The following ZEB1 variants were observed in gnomAD, a reference collection of about 807,000 sequenced individuals.
ZEB1 encodes the protein zinc finger E-box-binding homeobox 1.
In ZEB1, 21 loss-of-function variants were observed where a neutral mutation model predicts 84.9. The ratio of observed to expected loss-of-function variants is 0.25; its 90% CI spans 0.18 to 0.36. ZEB1 has a LOEUF of 0.36. Among genes scored for constraint, ZEB1 ranks in the 10% least tolerant of loss-of-function variants. ZEB1 has a pLI of 1.00. For missense variants in ZEB1, 1,104 were observed against 1,330.2 expected, an observed-to-expected ratio of 0.83 and a Z score of 2.65; for synonymous variants, 420 against 471.1, an observed-to-expected ratio of 0.89 and a Z score of 1.41.
intron 1 of ZEB1, among the ~76,000 whole-genome samples, chr10:31,449,842 G>C (rs1591408677): frequency 6.6e-6 from 1 of 152,144 alleles, no homozygotes; most frequent in African/African-American, 2.4e-5. Flanking sequence ...GAATATATGT[G>C]CAGTATTACC....
intron 1 of ZEB1, among the ~76,000 whole-genome samples, chr10:31,406,173 A>G (rs527481896): frequency 6.5e-4 from 99 of 152,214 alleles, no homozygotes; most frequent in Admixed American, 2.5e-3. Flanking sequence ...GTGTCTTTAT[A>G]AGTAGAATGA....
Position 31,520,073 on chromosome 10 carries a change from A to C in ZEB1, c.794-53A>C. On this transcript the variant is annotated intron_variant, in intron 6 of 8. Transcript: ENST00000424869. The surrounding 1 kb of genome is among the most constrained non-coding windows in gnomAD (Gnocchi z 5.1). ...TGTTTTAGGGAAATGAGGATACATA[A>C]AAATTTATATGTAATAATTCAGTGA... The C allele has an allele frequency of 1.3e-6, 2 of 1,588,392 alleles. No homozygotes were observed. Among genetic ancestry groups the C allele is most frequent in the Non-Finnish European group, 1.7e-6 (2 of 1,168,892 alleles).
chr10:31,512,100 A>G (rs1188375342), intron 5 of ZEB1, among the ~76,000 whole-genome samples: 1 of 152,138 alleles, frequency 6.6e-6, no homozygotes, highest in Non-Finnish European at 1.5e-5. Flanking sequence ...GAGTCTTATC[A>G]GAGAGACCAG....
chr10:31,379,952 C>T (rs994329247), intron 1 of ZEB1, among the ~76,000 whole-genome samples: 17 of 152,116 alleles, frequency 1.1e-4, no homozygotes, highest in African/African-American at 3.1e-4. Context: ...ACCACAATAC[C>T]TTTATTACAT....
At chr10:31,356,090 A>C (rs2042076893) in intron 1 of ZEB1, among the ~76,000 whole-genome samples, 1 of 152,114 alleles carries the variant, frequency 6.6e-6, no homozygotes, top group African/African-American at 2.4e-5. Flanking sequence ...TTATTGTTCC[A>C]CCTATAGAAT....
chr10:31,370,868 TAAATTC>T (rs2134425201), intron 1 of ZEB1, among the ~76,000 whole-genome samples: 1 of 152,270 alleles, frequency 6.6e-6, no homozygotes, highest in South Asian at 2.1e-4. Context: ...TGTGTGGTGT[TAAATTC>T]TAAGACTGTT....
At chr10:31,523,869 T>C in intron 7 of ZEB1, 64 bp from the exon 8 acceptor site, 7 of 1,558,726 alleles carry the variant, frequency 4.5e-6, no homozygotes, top group Non-Finnish European at 6.2e-6. Flanking sequence ...CTCATGCTTT[T>C]ATGTATATCT....
chr10:31,321,582 T>A (rs780758209), intron 1 of ZEB1: 2 of 1,613,948 alleles, frequency 1.2e-6, no homozygotes, highest in East Asian at 4.5e-5. Context: ...TTTAAAATGT[T>A]GATCGCCAGA....
At chr10:31,361,491 A>G (rs1384023672) in intron 1 of ZEB1, among the ~76,000 whole-genome samples, 1 of 152,224 alleles carries the variant, frequency 6.6e-6, no homozygotes, top group Non-Finnish European at 1.5e-5. Context: ...ATCACACACA[A>G]GGCTGTCACT....
rs1490023253 is a variant in ZEB1 at position 31,514,719 on chromosome 10, T to C, written c.793+11T>C. ...TAAGAATTCACAGTGGTAAATATTTTTTTTCTTTCTATACCCTGAATATCA... is the reference window on the plus strand; with the variant it reads ...TAAGAATTCACAGTGGTAAATATTTCTTTTCTTTCTATACCCTGAATATCA... On this transcript the variant is annotated intron_variant, in intron 6 of 8. Coordinates refer to ENST00000424869, the MANE Select transcript of ZEB1 (RefSeq NM_001174096.2). The C allele has an allele frequency of 1.9e-6, 3 of 1,599,442 alleles. No homozygotes were observed. The highest frequency in any genetic ancestry group is 2.6e-6 in the Non-Finnish European group (3 of 1,168,120).
rs117637262 is a variant in ZEB1 at position 31,409,372 on chromosome 10, A to G, written c.59-51665A>G. Among the ~76,000 whole-genome samples, 753 of 151,420 alleles carry G rather than the reference A, an allele frequency of 5.0e-3. 2 individuals are homozygous for G. The highest frequency in any genetic ancestry group is 8.9e-3 in the Non-Finnish European group (600 of 67,524). Reference sequence around the variant, plus strand: ...AGGGATCTAGAACTAGAAATGGTCTATATGTTTTGATACCAGTACCATGCT... The same window carrying G: ...AGGGATCTAGAACTAGAAATGGTCTGTATGTTTTGATACCAGTACCATGCT... On this transcript the variant is annotated intron_variant, in intron 1 of 8. Transcript: ENST00000424869.
intron 1 of ZEB1, chr10:31,319,541 C>A: frequency 1.9e-6 from 1 of 521,252 alleles, no homozygotes; most frequent in Non-Finnish European, 3.4e-6. Flanking sequence ...TAGCGGCTCC[C>A]GCCGCCCCTG....
At chr10:31,409,008 C>T (rs1205171027) in intron 1 of ZEB1, among the ~76,000 whole-genome samples, 1 of 151,816 alleles carries the variant, frequency 6.6e-6, no homozygotes. Context: ...TGACAAAGGG[C>T]TAATATCCAG....
At chr10:31,359,690 A>G (rs958622036) in intron 1 of ZEB1, among the ~76,000 whole-genome samples, 2 of 152,206 alleles carry the variant, frequency 1.3e-5, no homozygotes, top group African/African-American at 4.8e-5. Flanking sequence ...AAATGATACC[A>G]TAGATACTTC....
chr10:31,407,697 TTCATGCTAAAAATTC>T (rs1361132033), intron 1 of ZEB1, among the ~76,000 whole-genome samples: 43 of 152,240 alleles, frequency 2.8e-4, no homozygotes, highest in African/African-American at 1.0e-3. Flanking sequence ...TCAACAACAC[TTCATGCTAAAAATTC>T]TCAATAAATT....
intron 1 of ZEB1, among the ~76,000 whole-genome samples, chr10:31,442,104 C>T: frequency 6.6e-6 from 1 of 152,198 alleles, no homozygotes. Context: ...AAGACACATG[C>T]ACATGTATGT....
chr10:31,440,723 A>T (rs546963104), intron 1 of ZEB1, among the ~76,000 whole-genome samples: 1 of 152,270 alleles, frequency 6.6e-6, no homozygotes, highest in East Asian at 1.9e-4. Context: ...AGGATACAAA[A>T]TCTATGGGCA....
rs1360235703 is a variant in ZEB1, at chr10:31,529,756, T to C, written c.*2492T>C. On this transcript the variant is annotated 3_prime_UTR_variant, in exon 9 of 9. Coordinates refer to ENST00000424869, the MANE Select transcript of ZEB1 (RefSeq NM_001174096.2). ...TAATTTGATTATTTTCTTATAAGTC[T>C]TATTAAACACTAGTCATAATAGACA... The C allele has an allele frequency of 1.3e-5, 2 of 152,252 alleles. No individual in the cohort carries two copies. The highest frequency in any genetic ancestry group is 4.8e-5 in the African/African-American group (2 of 41,470). The allele number at this position is 152,252 out of a possible 1,614,324, so 9.4% of individuals were successfully genotyped here.
chr10:31,388,728 G>GT (rs908448003), intron 1 of ZEB1, among the ~76,000 whole-genome samples: 55 of 151,760 alleles, frequency 3.6e-4, no homozygotes, highest in South Asian at 1.2e-3. Context: ...TATACGTACA[G>GT]TTTTTTTTAA....
Sources: allele counts gnomAD v4.1 joint callset (sites outside exome capture counted in the v4.1 genomes callset), GRCh38; gene constraint gnomAD v4.1.1; non-coding constraint Gnocchi (gnomAD v3.1); transcripts MANE v1.5; gene names NCBI Gene and HGNC (gene_info 2026-07-23, HGNC 2026-07-21).